The following CPNE4 variants were observed in gnomAD, a reference collection of about 807,000 sequenced individuals.
CPNE4 encodes the protein copine 4.
Under a neutral mutation model 67.9 loss-of-function variants are expected in CPNE4, and 25 were observed. The ratio of observed to expected loss-of-function variants is 0.37; its 90% CI spans 0.27 to 0.51. The LOEUF is 0.51. Among genes scored for constraint, CPNE4 ranks in the 20% least tolerant of loss-of-function variants. CPNE4 has a pLI of 0.93. For missense variants in CPNE4, 464 were observed against 690.8 expected, an observed-to-expected ratio of 0.67 and a Z score of 3.68; for synonymous variants, 242 against 244.9, an observed-to-expected ratio of 0.99 and a Z score of 0.11.
At chr3:131,667,563 A>G (rs2080296534) in intron 7 of CPNE4, among the ~76,000 whole-genome samples, 1 of 151,896 alleles carries the variant, frequency 6.6e-6, no homozygotes, top group African/African-American at 2.4e-5. Context: ...AAACGTCAAT[A>G]GTGCACGTGT....
intron 2 of CPNE4, among the ~76,000 whole-genome samples, chr3:131,851,593 T>G (rs1279826995): frequency 6.6e-6 from 1 of 151,970 alleles, no homozygotes; most frequent in Non-Finnish European, 1.5e-5. Context: ...TTCAAAGAAG[T>G]TGGTGATGAT....
At chr3:131,999,757 T>A (rs1376383581) in intron 1 of CPNE4, among the ~76,000 whole-genome samples, 1 of 152,042 alleles carries the variant, frequency 6.6e-6, no homozygotes, top group South Asian at 2.1e-4. Context: ...TTTAAACTTT[T>A]CACATTCAAA....
rs142350823 is a variant in CPNE4, at chr3:131,817,095, C to A, written c.180+88169G>T. Among the ~76,000 whole-genome samples the A allele has an allele frequency of 1.5e-3, 235 of 152,264 alleles. 3 individuals are homozygous for A. Among genetic ancestry groups the A allele is most frequent in the East Asian group, 1.2e-3 (6 of 5,174 alleles). ...CGTAAAGGGCATTTTCAGCACACAT[C>A]AGCAATGTTGGGAAAGGATGAGGAG... is the stretch of plus-strand genomic sequence containing the variant. On this transcript the variant is annotated intron_variant, in intron 2 of 15. Coordinates refer to ENST00000429747, the MANE Select transcript of CPNE4 (RefSeq NM_130808.3).
intron 2 of CPNE4, among the ~76,000 whole-genome samples, chr3:131,751,764 GTT>G (rs61336816): frequency 2.8e-5 from 4 of 145,172 alleles, no homozygotes; most frequent in South Asian, 2.2e-4. Context: ...CTGTTTAGCT[GTT>G]TTTTTTTTGT....
At chr3:131,947,261 C>T (rs2071579850) in intron 1 of CPNE4, among the ~76,000 whole-genome samples, 1 of 152,058 alleles carries the variant, frequency 6.6e-6, no homozygotes, top group African/African-American at 2.4e-5. Flanking sequence ...GAAACATGTG[C>T]AGAACATGCA....
At chr3:132,029,396 T>G (rs557061502) in intron 1 of CPNE4, among the ~76,000 whole-genome samples, 6 of 152,078 alleles carry the variant, frequency 3.9e-5, no homozygotes, top group Non-Finnish European at 8.8e-5. Context: ...TATCTTGGGG[T>G]TGGGTCAAAC....
At chr3:131,909,508 G>T (rs1490507483) in intron 1 of CPNE4, among the ~76,000 whole-genome samples, 1 of 152,048 alleles carries the variant, frequency 6.6e-6, no homozygotes. Context: ...CATGGGCCTG[G>T]TTAAATGAAT....
chr3:131,944,715 T>TAAATAAAATAAAATAAAATAAA (rs780423382), intron 1 of CPNE4, among the ~76,000 whole-genome samples: 2 of 127,356 alleles, frequency 1.6e-5, no homozygotes, highest in Non-Finnish European at 3.8e-5. Flanking sequence ...TCAATTTACA[T>TAAATAAAATAAAATAAAATAAA]CTTAATTTTT....
intron 1 of CPNE4, among the ~76,000 whole-genome samples, chr3:132,008,438 T>G (rs1113078): frequency 0.84 from 127,207 of 152,098 alleles, 54,305 homozygotes; most frequent in Non-Finnish European, 0.93. Flanking sequence ...ATAATATAGC[T>G]ATTATTCCTA....
At chr3:131,573,567 A>G (rs940114242) in intron 10 of CPNE4, among the ~76,000 whole-genome samples, 1 of 152,114 alleles carries the variant, frequency 6.6e-6, no homozygotes, top group Non-Finnish European at 1.5e-5. Flanking sequence ...AGAGCATGGG[A>G]TCTACAAAAT....
intron 1 of CPNE4, among the ~76,000 whole-genome samples, chr3:131,943,400 T>C (rs1248457609): frequency 6.6e-6 from 1 of 152,150 alleles, no homozygotes; most frequent in Non-Finnish European, 1.5e-5. Context: ...TGTCATTGGA[T>C]TGTTGTAAAT....
At chr3:131,893,005 T>C (rs535763566) in intron 2 of CPNE4, among the ~76,000 whole-genome samples, 94 of 152,092 alleles carry the variant, frequency 6.2e-4, no homozygotes, top group South Asian at 1.7e-3. Context: ...ATAAATAGAT[T>C]AAATTCTCCA....
In CPNE4 at chr3:131,633,284, T is replaced by C. The variant is rs570080382; in HGVS notation, c.681+36391A>G. The stretch of plus-strand genomic sequence containing the variant: ...TTTCTATCTGGTCTCTTTGCTTCCA[T>C]CATTACCTCTCTAAAATTTCATTCA... On this transcript the variant is annotated intron_variant, in intron 7 of 15. Coordinates refer to ENST00000429747, the MANE Select transcript of CPNE4 (RefSeq NM_130808.3). Among the ~76,000 whole-genome samples, 576 of 152,266 alleles carry C rather than the reference T, an allele frequency of 3.8e-3. 3 individuals carry two copies. The highest frequency in any genetic ancestry group is 0.013 in the African/African-American group (526 of 41,546).
At chr3:131,745,455 G>T (rs1392196788) in intron 2 of CPNE4, among the ~76,000 whole-genome samples, 1 of 151,962 alleles carries the variant, frequency 6.6e-6, no homozygotes, top group Non-Finnish European at 1.5e-5. Context: ...TGCCTTTGTG[G>T]ATTATGCTGC....
At chr3:131,982,949 G>A (rs1188521863) in intron 1 of CPNE4, among the ~76,000 whole-genome samples, 1 of 151,730 alleles carries the variant, frequency 6.6e-6, no homozygotes, top group African/African-American at 2.4e-5. Flanking sequence ...ATTGACATGA[G>A]CAAACAAAAT....
rs780972255 is a variant in CPNE4, at chr3:131,685,858, C to G, written c.591+17G>C. 1 of 1,563,028 alleles carries G rather than the reference C, an allele frequency of 6.4e-7. No individual in the cohort carries two copies. Among genetic ancestry groups the G allele is most frequent in the South Asian group, 1.1e-5 (1 of 89,120 alleles). On this transcript the variant is annotated intron_variant, in intron 6 of 15. Transcript: ENST00000429747. ...CATCTTAGGAGATAAGAGGGCATAG[C>G]TGAAGATGACTCTTACCTCAGTTCG... is the stretch of plus-strand genomic sequence containing the variant.
rs57925263 is a variant in CPNE4 at position 131,829,855 on chromosome 3, G to A, written c.180+75409C>T. Among the ~76,000 whole-genome samples the A allele has an allele frequency of 7.6e-3, 1,163 of 152,190 alleles. 15 individuals carry two copies. Among genetic ancestry groups the A allele is most frequent in the African/African-American group, 0.027 (1,106 of 41,508 alleles). ...CAGGACTGTTTACTAGCAGAACACC[G>A]AGTTGCATTTCAATTAAGTCATTAG... On this transcript the variant is annotated intron_variant, in intron 2 of 15. Transcript: ENST00000429747.
At chr3:131,973,817 G>C (rs2072570694) in intron 1 of CPNE4, among the ~76,000 whole-genome samples, 1 of 152,178 alleles carries the variant, frequency 6.6e-6, no homozygotes, top group Non-Finnish European at 1.5e-5. Context: ...CTATTACCCA[G>C]GAAGAATAGG....
intron 1 of CPNE4, among the ~76,000 whole-genome samples, chr3:131,949,001 G>T (rs1243659435): frequency 6.6e-6 from 1 of 152,154 alleles, no homozygotes; most frequent in African/African-American, 2.4e-5. Flanking sequence ...CTATGGTTCA[G>T]GTTGCATGAC....
Sources: gnomAD v4.1 joint callset for allele counts (sites outside exome capture counted in the v4.1 genomes callset) on GRCh38, gnomAD v4.1.1 for gene constraint, MANE v1.5 for transcripts, NCBI Gene and HGNC (gene_info 2026-07-23, HGNC 2026-07-21) for gene names.